PRRG4: variants seen among roughly 807,000 people sequenced by gnomAD.
PRRG4 encodes proline rich and Gla domain 4, also known as transmembrane gamma-carboxyglutamic acid protein 4.
In PRRG4, 12 loss-of-function variants were observed where a neutral mutation model predicts 20.0. The ratio of observed to expected loss-of-function variants is 0.60; its 90% CI spans 0.38 to 0.97. The LOEUF (loss-of-function observed/expected upper bound fraction) is 0.97, where lower values mean the gene tolerates loss of function less well. Ranked by LOEUF, PRRG4 falls within the 50% of genes least tolerant of loss-of-function variation. The pLI is 0.00. For synonymous variants in PRRG4, 94 were observed against 96.4 expected (o/e 0.98, Z 0.15); for missense variants, 199 against 265.1 (o/e 0.75, Z 1.73).
At position 32,830,164 on chromosome 11, in the gene PRRG4, G is replaced by C; in HGVS notation, c.-32G>C. On this transcript the variant is annotated 5_prime_UTR_variant, in exon 1 of 6. Coordinates refer to ENST00000257836, the MANE Select transcript of PRRG4 (RefSeq NM_024081.6). ...CCGGGGGCTGCTGGAACATGTGCGG[G>C]GGGACACAGGTACGAGGCCTGGCGG... The C allele has an allele frequency of 2.9e-6, 3 of 1,026,072 alleles. No homozygotes were observed. Among genetic ancestry groups the C allele is most frequent in the Non-Finnish European group, 3.5e-6 (3 of 857,262 alleles). The allele number at this position is 1,026,072 out of a possible 1,614,324, so 63.6% of individuals were successfully genotyped here.
At chr11:32,831,673 T>C (rs1018150394) in intron 2 of PRRG4, among the ~76,000 whole-genome samples, 9 of 152,176 alleles carry the variant, frequency 5.9e-5, no homozygotes, top group Admixed American at 5.9e-4. Flanking sequence ...CATAATCAGA[T>C]GCTCTTCCCT....
chr11:32,837,519 TGATG>T (rs1851031704), intron 3 of PRRG4, among the ~76,000 whole-genome samples: 1 of 105,644 alleles, frequency 9.5e-6, no homozygotes, highest in African/African-American at 3.8e-5. Context: ...ATGATGATGA[TGATG>T]ATGATGATGA....
chr11:32,853,693 T>G lies in PRRG4; in HGVS notation c.*166T>G. On this transcript the variant is annotated 3_prime_UTR_variant, in exon 6 of 6. Coordinates refer to ENST00000257836, the MANE Select transcript of PRRG4 (RefSeq NM_024081.6). The stretch of plus-strand genomic sequence containing the variant: ...AAATTCAAAAATTACCTAGGCGTCA[T>G]GGGGCATGCCTGTAGTCCCACCTAC... The G allele has an allele frequency of 1.8e-6, 1 of 565,674 alleles. No individual in the cohort carries two copies. The highest frequency in any genetic ancestry group is 3.1e-6 in the Non-Finnish European group (1 of 317,692). The allele number at this position is 565,674 out of a possible 1,614,324, so 35.0% of individuals were successfully genotyped here. A position where few individuals can be genotyped will look rare whatever the true frequency, so the allele number is the denominator to read the frequency against.
chr11:32,841,475 T>A (rs996911170), intron 5 of PRRG4, among the ~76,000 whole-genome samples: 7 of 152,160 alleles, frequency 4.6e-5, no homozygotes, highest in Admixed American at 3.9e-4. Flanking sequence ...GATCCTGGAC[T>A]GAATCCTAGA....
In PRRG4 at chr11:32,836,694, A is replaced by G. The variant is rs776961648; in HGVS notation, c.140A>G (p.His47Arg). The G allele has an allele frequency of 4.4e-6, 7 of 1,604,588 alleles. No homozygotes were observed. Among genetic ancestry groups the G allele is most frequent in the Non-Finnish European group, 5.1e-6 (6 of 1,172,666 alleles). The change falls in exon 3 of 6, where the codon CAT becomes CGT. Residue 47 changes from histidine (H) to arginine (R), a missense_variant. His to Arg is a conservative substitution (Grantham distance 29, BLOSUM62 0). Transcript: ENST00000257836. ...TSKEEANFFI[H>R]RRLLYNRFDL... Reference sequence around the variant, plus strand: ...AAAGAAGAAGCAAACTTTTTCATACATAGACGCCTTCTGTATAATAGATTT... The same window carrying G: ...AAAGAAGAAGCAAACTTTTTCATACGTAGACGCCTTCTGTATAATAGATTT...
At chr11:32,839,066 A>G (rs1232390818) in intron 4 of PRRG4, 136 bp downstream of exon 4, 3 of 631,398 alleles carry the variant, frequency 4.8e-6, no homozygotes, top group East Asian at 2.8e-5. Context: ...TCAACTATGC[A>G]CCGGGCTATC....
intron 5 of PRRG4, among the ~76,000 whole-genome samples, chr11:32,845,004 G>A (rs1465331142): frequency 6.6e-6 from 1 of 151,912 alleles, no homozygotes; most frequent in African/African-American, 2.4e-5. Flanking sequence ...GTATTATATT[G>A]CAAATAAGTT....
chr11:32,846,457 T>C (rs1851131307), intron 5 of PRRG4, among the ~76,000 whole-genome samples: 1 of 152,112 alleles, frequency 6.6e-6, no homozygotes, highest in South Asian at 2.1e-4. Context: ...AAAATAGCCT[T>C]TGGGGAAGGT....
intron 5 of PRRG4, among the ~76,000 whole-genome samples, chr11:32,843,670 G>A (rs1260751941): frequency 6.6e-6 from 1 of 151,184 alleles, no homozygotes; most frequent in Non-Finnish European, 1.5e-5. Context: ...CCGTTTTTAA[G>A]TATACAGTTC....
intron 2 of PRRG4, among the ~76,000 whole-genome samples, chr11:32,835,873 G>A (rs1851015179): frequency 6.6e-6 from 1 of 152,090 alleles, no homozygotes; most frequent in South Asian, 2.1e-4. Flanking sequence ...GGAGGCTCAG[G>A]TGGGTGGATC....
chr11:32,837,352 T>G (rs767987358), intron 3 of PRRG4, among the ~76,000 whole-genome samples: 1 of 152,046 alleles, frequency 6.6e-6, no homozygotes, highest in Non-Finnish European at 1.5e-5. Flanking sequence ...TATTCGGAAG[T>G]ATATTATTTG....
At chr11:32,848,607 T>C (rs1851151674) in intron 5 of PRRG4, among the ~76,000 whole-genome samples, 1 of 151,310 alleles carries the variant, frequency 6.6e-6, no homozygotes, top group Non-Finnish European at 1.5e-5. Context: ...AATATGTGTA[T>C]ATGTATACAT....
intron 2 of PRRG4, 37 bp from the exon 3 acceptor site, chr11:32,836,621 T>C: frequency 7.8e-7 from 1 of 1,276,320 alleles, no homozygotes; most frequent in East Asian, 2.3e-5. Context: ...TTGACTATAT[T>C]TGATCAATGT....
At position 32,834,204 on chromosome 11, in the gene PRRG4, A is replaced by G. The variant is rs116583314; in HGVS notation, c.104-2454A>G. On this transcript the variant is annotated intron_variant, in intron 2 of 5. Transcript: ENST00000257836. ...GGTTTTTAAAAAGCAAAGTAGGAAC[A>G]GTCTATCTTGTCTTTTAAAGGGCCC... is the stretch of plus-strand genomic sequence containing the variant. Among the ~76,000 whole-genome samples the G allele has an allele frequency of 3.6e-3, 541 of 152,302 alleles. 6 individuals are homozygous for G. Among genetic ancestry groups the G allele is most frequent in the African/African-American group, 0.013 (522 of 41,554 alleles).
chr11:32,830,450 ACT>A (rs1850957052), intron 1 of PRRG4, 56 bp from the exon 2 acceptor site: 1 of 1,256,364 alleles, frequency 8.0e-7, no homozygotes, highest in Non-Finnish European at 1.1e-6. Flanking sequence ...TTCGACAGAA[ACT>A]CAAAGTGCTG....
intron 5 of PRRG4, among the ~76,000 whole-genome samples, chr11:32,844,104 T>A (rs953364114): frequency 6.6e-6 from 1 of 152,180 alleles, no homozygotes; most frequent in Non-Finnish European, 1.5e-5. Context: ...ATCCTAGAAA[T>A]AGATATGGTA....
At position 32,830,635 on chromosome 11, in the gene PRRG4, A is replaced by G; in HGVS notation, c.103+3A>G. ...TTCTAAGCATGCGGGAGAAGAAGGT[A>G]AGCACTAAAACGTCCCTGGAACCCA... On this transcript the variant is annotated splice_donor_region_variant and intron_variant, in intron 2 of 5. Coordinates refer to ENST00000257836, the MANE Select transcript of PRRG4 (RefSeq NM_024081.6). 1 of 1,613,942 alleles carries G rather than the reference A, an allele frequency of 6.2e-7. No homozygotes were observed. The highest frequency in any genetic ancestry group is 1.1e-5 in the South Asian group (1 of 91,078).
chr11:32,835,296 T>C (rs543105816), intron 2 of PRRG4, among the ~76,000 whole-genome samples: 33 of 152,368 alleles, frequency 2.2e-4, no homozygotes, highest in Admixed American at 8.5e-4. Flanking sequence ...AAAATCAGTA[T>C]GAGTTTTCCA....
rs1851236617 is a variant in PRRG4 at position 32,857,492 on chromosome 11, G to A, written c.*3965G>A. ...TTAATGCCCTCTGAACAAATACATA[G>A]AGAAAACTCTCAGAACAATTAAAAC... On this transcript the variant is annotated 3_prime_UTR_variant, in exon 6 of 6. Transcript: ENST00000257836. The A allele has an allele frequency of 6.6e-6, 1 of 152,140 alleles. No individual in the cohort carries two copies. The highest frequency in any genetic ancestry group is 1.5e-5 in the Non-Finnish European group (1 of 68,028). The allele number at this position is 152,140 out of a possible 1,614,324, so 9.4% of individuals were successfully genotyped here.
Sources: gnomAD v4.1 joint callset for allele counts (sites outside exome capture counted in the v4.1 genomes callset) on GRCh38, gnomAD v4.1.1 for gene constraint, MANE v1.5 for transcripts, NCBI Gene and HGNC (gene_info 2026-07-23, HGNC 2026-07-21) for gene names.